Variants in EVL observed in about 807,000 individuals in gnomAD.
EVL encodes ena/VASP-like protein.
In EVL, 21 loss-of-function variants were observed where a neutral mutation model predicts 59.6. The ratio of observed to expected loss-of-function variants is 0.35; its 90% confidence interval spans 0.25 to 0.51. The LOEUF (loss-of-function observed/expected upper bound fraction) is 0.51. Ranked by LOEUF, EVL falls within the 20% of genes least tolerant of loss-of-function variation. The probability of loss-of-function intolerance (pLI) is 0.97; values close to 1 mark genes in which losing one functional copy is unlikely to be tolerated. For missense variants in EVL, 462 were observed against 546.6 expected, an observed-to-expected ratio of 0.85 and a Z score of 1.54; for synonymous variants, 198 against 203.5, an observed-to-expected ratio of 0.97 and a Z score of 0.23.
At chr14:99,985,570 C>T (rs1221423246) in intron 1 of EVL, among the ~76,000 whole-genome samples, 9 of 151,924 alleles carry the variant, frequency 5.9e-5, no homozygotes, top group African/African-American at 2.2e-4. Flanking sequence ...GAGTTCGTGA[C>T]CAGCATGACC....
At chr14:100,006,283 C>CTTTTT (rs1195149750) in intron 1 of EVL, among the ~76,000 whole-genome samples, 1 of 132,182 alleles carries the variant, frequency 7.6e-6, no homozygotes, top group African/African-American at 2.8e-5. Context: ...GGTTGTTAAT[C>CTTTTT]TTTTTTTTTT....
At chr14:100,083,077 G>A (rs1015440159) in intron 1 of EVL, among the ~76,000 whole-genome samples, 2 of 152,170 alleles carry the variant, frequency 1.3e-5, no homozygotes, top group African/African-American at 4.8e-5. Flanking sequence ...CATCTCAAGG[G>A]CTCTGTGGTC....
intron 1 of EVL, among the ~76,000 whole-genome samples, chr14:100,075,535 C>T (rs1413353463): frequency 1.3e-5 from 2 of 152,232 alleles, no homozygotes; most frequent in Non-Finnish European, 2.9e-5. Flanking sequence ...CCCTTCACTA[C>T]TCACCCCTTA....
chr14:100,138,072 C>G (rs1489866106), intron 11 of EVL: 1 of 568,856 alleles, frequency 1.8e-6, no homozygotes, highest in Non-Finnish European at 3.1e-6. Flanking sequence ...AGTCCCAGCT[C>G]TGGACTCACT....
intron 1 of EVL, among the ~76,000 whole-genome samples, chr14:100,049,636 T>C (rs2061613291): frequency 6.6e-6 from 1 of 152,210 alleles, no homozygotes; most frequent in South Asian, 2.1e-4. Context: ...ACAATATCTT[T>C]ATTGAGATAT....
At chr14:100,103,100 CAA>C (rs59534389) in intron 3 of EVL, among the ~76,000 whole-genome samples, 2,206 of 94,420 alleles carry the variant, frequency 0.023, 66 homozygotes, top group African/African-American at 0.072. Flanking sequence ...GACTCCGTCT[CAA>C]AAAAAAAAAA....
intron 1 of EVL, among the ~76,000 whole-genome samples, chr14:100,037,228 G>T (rs535205961): frequency 6.6e-6 from 1 of 152,192 alleles, no homozygotes; most frequent in East Asian, 1.9e-4. Flanking sequence ...AGGGCAGTCC[G>T]TTGAAGAGCC....
intron 11 of EVL, chr14:100,139,623 C>T (rs551266912): frequency 2.0e-5 from 3 of 152,478 alleles, no homozygotes; most frequent in African/African-American, 7.2e-5. Flanking sequence ...TTCTTGAGCT[C>T]ATCTGGAGGG....
chr14:99,991,373 T>C (rs2060874686), intron 1 of EVL, among the ~76,000 whole-genome samples: 1 of 152,234 alleles, frequency 6.6e-6, no homozygotes, highest in African/African-American at 2.4e-5. Flanking sequence ...ATATAAAAAC[T>C]GTTCTTGGAG....
intron 5 of EVL, among the ~76,000 whole-genome samples, 184 bp downstream of exon 5, chr14:100,126,955 G>C (rs1048805096): frequency 6.6e-6 from 1 of 152,220 alleles, no homozygotes; most frequent in Middle Eastern, 3.2e-3. Context: ...GGCTTGGGGA[G>C]TCTGCTCAGC....
chr14:100,096,681 C>A (rs965036548), intron 2 of EVL, among the ~76,000 whole-genome samples: 3 of 152,212 alleles, frequency 2.0e-5, no homozygotes, highest in Non-Finnish European at 4.4e-5. Flanking sequence ...GGAATATAGT[C>A]TTAAAGTACT....
At chr14:100,008,715 T>G (rs2060998668) in intron 1 of EVL, among the ~76,000 whole-genome samples, 1 of 152,234 alleles carries the variant, frequency 6.6e-6, no homozygotes, top group South Asian at 2.1e-4. Flanking sequence ...ATGTAGTCAG[T>G]CACCTAACAA....
intron 1 of EVL, among the ~76,000 whole-genome samples, chr14:100,048,616 A>G (rs1266830087): frequency 6.6e-6 from 1 of 152,200 alleles, no homozygotes; most frequent in Non-Finnish European, 1.5e-5. Flanking sequence ...GCAATCCTAC[A>G]TAGTCAGCCT....
chr14:100,139,698 C>T (rs1889040806), intron 11 of EVL: 1 of 152,322 alleles, frequency 6.6e-6, no homozygotes, highest in Admixed American at 6.5e-5. Context: ...TCCTCAGTGT[C>T]ACCAGATGGT....
intron 4 of EVL, among the ~76,000 whole-genome samples, chr14:100,124,536 A>T (rs1887905792): frequency 6.6e-6 from 1 of 151,896 alleles, no homozygotes; most frequent in Admixed American, 6.5e-5. Flanking sequence ...GGCTTTTCTT[A>T]CTGTTGTCCC....
chr14:100,069,420 T>C (rs578249395), intron 1 of EVL, among the ~76,000 whole-genome samples: 1 of 152,350 alleles, frequency 6.6e-6, no homozygotes, highest in Non-Finnish European at 1.5e-5. Context: ...TCGCACCTAA[T>C]TGTACGCCTT....
intron 13 of EVL, chr14:100,142,016 C>T: frequency 2.3e-6 from 1 of 436,320 alleles, no homozygotes; most frequent in Admixed American, 3.5e-5. Flanking sequence ...AGCATGACAC[C>T]CGAATCTGAC....
chr14:100,076,646 A>G (rs971032215), intron 1 of EVL, among the ~76,000 whole-genome samples: 1 of 152,222 alleles, frequency 6.6e-6, no homozygotes, highest in African/African-American at 2.4e-5. Context: ...AGTACAAATT[A>G]GTGGGTCGGC....
At chr14:100,104,042 T>C (rs2140331788) in intron 3 of EVL, among the ~76,000 whole-genome samples, 1 of 152,354 alleles carries the variant, frequency 6.6e-6, no homozygotes, top group East Asian at 1.9e-4. Flanking sequence ...GACCTGTACC[T>C]GCCCGTTGGT....
Sources: allele counts gnomAD v4.1 joint callset (sites outside exome capture counted in the v4.1 genomes callset), GRCh38; gene constraint gnomAD v4.1.1; transcripts MANE v1.5; gene names NCBI Gene and HGNC (gene_info 2026-07-23, HGNC 2026-07-21).